Variants in NAT1 observed in about 807,000 individuals in gnomAD.
The protein encoded by NAT1 is N-acetyltransferase 1, also known as arylamine N-acetyltransferase 1.
For synonymous variants in NAT1, 144 were observed against 122.6 expected (o/e 1.17, Z -1.16); for missense variants, 400 against 339.2 (o/e 1.18, Z -1.41).
At chr8:18,171,624 CAAA>C (rs988329020) in intron 2 of NAT1, among the ~76,000 whole-genome samples, 3 of 151,654 alleles carry the variant, frequency 2.0e-5, no homozygotes, top group Admixed American at 6.6e-5. Context: ...TCTGCACAAA[CAAA>C]ACAAAAAAAC....
intron 2 of NAT1, among the ~76,000 whole-genome samples, chr8:18,197,479 TG>T (rs1803283651): frequency 6.6e-6 from 1 of 152,160 alleles, no homozygotes; most frequent in Non-Finnish European, 1.5e-5. Flanking sequence ...CACTAGGTAG[TG>T]CTATTGGCAT....
At chr8:18,171,615 C>T (rs974290402) in intron 2 of NAT1, among the ~76,000 whole-genome samples, 1 of 152,038 alleles carries the variant, frequency 6.6e-6, no homozygotes, top group South Asian at 2.1e-4. Flanking sequence ...TAAGGTATTT[C>T]TGCACAAACA....
chr8:18,223,023 A>G lies in NAT1; in HGVS notation c.*103A>G. 1.2e-6 allele frequency: 1 copy of G among 861,842 alleles called. No homozygotes were observed. The highest frequency in any genetic ancestry group is 1.6e-6 in the Non-Finnish European group (1 of 627,456). The allele number at this position is 861,842 out of a possible 1,614,324, so 53.4% of individuals were successfully genotyped here. On this transcript the variant is annotated 3_prime_UTR_variant, in exon 3 of 3. Coordinates refer to ENST00000307719, the MANE Select transcript of NAT1 (RefSeq NM_000662.8). ...GTACCCTTACCTTATTTTGAAGAAA[A>G]TCCTAGACATCAAATCATTTCACCT...
intron 2 of NAT1, among the ~76,000 whole-genome samples, chr8:18,184,819 G>A (rs1387022958): frequency 1.3e-5 from 2 of 152,144 alleles, no homozygotes; most frequent in Admixed American, 6.5e-5. Flanking sequence ...TGTGGATCCT[G>A]CATTCTACTT....
chr8:18,218,222 G>A (rs28359512), intron 1 of NAT1, among the ~76,000 whole-genome samples: 7,678 of 152,112 alleles, frequency 0.05, 646 homozygotes, highest in African/African-American at 0.17. Context: ...ATTGTGGTAC[G>A]TTGTCAGGAC....
chr8:18,171,646 G>C (rs28383662), intron 2 of NAT1, among the ~76,000 whole-genome samples: 227 of 151,774 alleles, frequency 1.5e-3, no homozygotes, highest in African/African-American at 4.8e-3. Flanking sequence ...ACCTCCAAAA[G>C]AAAACAAAAC....
chr8:18,204,057 C>T (rs1002787979), intron 2 of NAT1, among the ~76,000 whole-genome samples: 3 of 152,156 alleles, frequency 2.0e-5, no homozygotes, highest in Admixed American at 6.5e-5. Context: ...AGACGTCATA[C>T]CTGATCTAAC....
chr8:18,188,789 G>T (rs961271421), intron 2 of NAT1, among the ~76,000 whole-genome samples: 19 of 151,836 alleles, frequency 1.3e-4, no homozygotes, highest in Admixed American at 3.3e-4. Flanking sequence ...GAGGTTAGGA[G>T]TTCAAGACCA....
chr8:18,181,541 T>C (rs919258263), intron 2 of NAT1, among the ~76,000 whole-genome samples: 1 of 152,192 alleles, frequency 6.6e-6, no homozygotes, highest in South Asian at 2.1e-4. Context: ...TTCTTTCCAG[T>C]TGAGATGCCC....
intron 2 of NAT1, among the ~76,000 whole-genome samples, chr8:18,178,790 G>A (rs1013548640): frequency 2.0e-5 from 3 of 152,116 alleles, no homozygotes; most frequent in African/African-American, 7.2e-5. Flanking sequence ...GGAATGCCGG[G>A]TTTTGAACAG....
intron 2 of NAT1, among the ~76,000 whole-genome samples, chr8:18,190,548 T>G (rs1031498208): frequency 1.3e-5 from 2 of 152,210 alleles, no homozygotes; most frequent in African/African-American, 4.8e-5. Flanking sequence ...GAAAACCGAT[T>G]TAATACTTCT....
chr8:18,174,574 C>T (rs1377932985), intron 2 of NAT1, among the ~76,000 whole-genome samples: 1 of 152,064 alleles, frequency 6.6e-6, no homozygotes, highest in Non-Finnish European at 1.5e-5. Context: ...CATAATGGAC[C>T]TTCAACTTAA....
intron 1 of NAT1, among the ~76,000 whole-genome samples, chr8:18,215,893 C>G (rs1279103515): frequency 1.3e-5 from 2 of 151,970 alleles, no homozygotes; most frequent in Non-Finnish European, 2.9e-5. Context: ...GATTTATTTG[C>G]CAAAGTTAAG....
intron 2 of NAT1, chr8:18,200,963 G>A (rs1324526589): frequency 1.3e-5 from 2 of 152,162 alleles, no homozygotes; most frequent in East Asian, 1.9e-4. Context: ...CTAGGCCATA[G>A]GTGCTGGAGA....
At chr8:18,172,230 G>C (rs541707430) in intron 2 of NAT1, among the ~76,000 whole-genome samples, 1 of 152,282 alleles carries the variant, frequency 6.6e-6, no homozygotes, top group East Asian at 1.9e-4. Flanking sequence ...GAAGAGAATA[G>C]CAGGCAGTGT....
chr8:18,207,966 G>T (rs1451709097), upstream of NAT1, among the ~76,000 whole-genome samples: 1 of 152,122 alleles, frequency 6.6e-6, no homozygotes, highest in East Asian at 1.9e-4. Context: ...TCCTTTGCAG[G>T]GACACGGATG....
chr8:18,179,495 T>A (rs576093745), intron 2 of NAT1, among the ~76,000 whole-genome samples: 36 of 152,288 alleles, frequency 2.4e-4, no homozygotes, highest in African/African-American at 8.7e-4. Flanking sequence ...TGTCTCAGTG[T>A]CAGCTGGAAG....
intron 2 of NAT1, among the ~76,000 whole-genome samples, chr8:18,193,067 ATTTTTTTT>A (rs1167481551): frequency 7.9e-4 from 63 of 79,632 alleles, no homozygotes; most frequent in Non-Finnish European, 1.1e-3. Context: ...ATGAATTAGA[ATTTTTTTT>A]TTTTTTTTTT....
At chr8:18,204,520 A>T (rs1308310276) in intron 2 of NAT1, among the ~76,000 whole-genome samples, 2 of 152,038 alleles carry the variant, frequency 1.3e-5, no homozygotes, top group Non-Finnish European at 2.9e-5. Flanking sequence ...ATTAAACATA[A>T]GTTTAAGTTT....
Sources: allele counts gnomAD v4.1 joint callset (sites outside exome capture counted in the v4.1 genomes callset), GRCh38; gene constraint gnomAD v4.1.1; transcripts MANE v1.5; gene names NCBI Gene and HGNC (gene_info 2026-07-23, HGNC 2026-07-21).